The following ZNF83 variants were observed in gnomAD, a reference collection of about 807,000 sequenced individuals.
ZNF83 encodes zinc finger protein 83, also known as zinc finger protein 816B.
For missense variants in ZNF83, 552 were observed against 629.9 expected, an observed-to-expected ratio of 0.88 and a Z score of 1.32; for synonymous variants, 209 against 213.0, an observed-to-expected ratio of 0.98 and a Z score of 0.17.
chr19:52,685,759 A>G (rs1156819666), intron 1 of ZNF83, among the ~76,000 whole-genome samples: 1 of 152,028 alleles, frequency 6.6e-6, no homozygotes, highest in Non-Finnish European at 1.5e-5. Flanking sequence ...TGAGCCAGGC[A>G]TGGTGGCAGG....
At chr19:52,636,021 G>A (rs1202743650) in intron 1 of ZNF83, 5 of 150,126 alleles carry the variant, frequency 3.3e-5, no homozygotes, top group African/African-American at 7.4e-5. Flanking sequence ...TGTAGACCAC[G>A]TGCGGTGGCT....
chr19:52,655,585 T>C, exon 3 of ZNF83: 2 of 1,503,060 alleles, frequency 1.3e-6, no homozygotes, highest in Non-Finnish European at 1.9e-6. Flanking sequence ...TTCCTGTAGT[T>C]CTCCAACATC....
intron 2 of ZNF83, among the ~76,000 whole-genome samples, chr19:52,629,005 C>T (rs559961750): frequency 6.6e-6 from 1 of 151,896 alleles, no homozygotes; most frequent in East Asian, 1.9e-4. Flanking sequence ...ACTCTCTTTT[C>T]TCTGGGCTTG....
intron 2 of ZNF83, among the ~76,000 whole-genome samples, chr19:52,657,676 C>G (rs531844590): frequency 1.1e-4 from 16 of 151,046 alleles, no homozygotes; most frequent in Non-Finnish European, 3.0e-5. Context: ...AGAGAAACCC[C>G]GTCTCTACTA....
intron 1 of ZNF83, among the ~76,000 whole-genome samples, chr19:52,685,917 A>G (rs2062007691): frequency 6.6e-6 from 1 of 151,606 alleles, no homozygotes; most frequent in African/African-American, 2.4e-5. Context: ...AAAAAAAAAA[A>G]AAAAAAAAAT....
At chr19:52,614,942 G>A in intron 2 of ZNF83, 145 bp from the exon 3 acceptor site, 1 of 825,432 alleles carries the variant, frequency 1.2e-6, no homozygotes. Flanking sequence ...TTAACTTTTT[G>A]GAAAACAAAA....
intron 1 of ZNF83, among the ~76,000 whole-genome samples, chr19:52,689,032 C>T (rs181594293): frequency 1.3e-3 from 189 of 150,602 alleles, no homozygotes; most frequent in African/African-American, 4.2e-3. Flanking sequence ...TTATGTTTTA[C>T]AAATGTCTGT....
At chr19:52,655,484 A>G (rs2061493304) in intron 3 of ZNF83, 4 of 1,318,552 alleles carry the variant, frequency 3.0e-6, no homozygotes, top group Non-Finnish European at 4.3e-6. Flanking sequence ...GCAAAATCAC[A>G]AAAGAGAATA....
At position 52,676,650 on chromosome 19, in the gene ZNF83, G is replaced by C. The variant is rs904462831; in HGVS notation, c.-283+13793C>G. ...GTGCCCAACAGCTCATTGAGAACGG[G>C]CCAGGATGACAATGGCGGCTTTGTG... On this transcript the variant is annotated intron_variant, in intron 1 of 5. Transcript: ENST00000594682. 3.5e-4 allele frequency among the ~76,000 whole-genome samples: 51 copies of C among 145,760 alleles called. 1 individual carries two copies. The highest frequency in any genetic ancestry group is 1.3e-3 in the African/African-American group (50 of 39,646).
chr19:52,628,416 C>T (rs912298066), intron 2 of ZNF83, among the ~76,000 whole-genome samples: 6 of 152,160 alleles, frequency 3.9e-5, no homozygotes, highest in African/African-American at 9.7e-5. Context: ...AATCTTGGCA[C>T]CACACTTCAA....
intron 1 of ZNF83, chr19:52,636,144 AAAAG>A (rs1389168600): frequency 2.6e-5 from 4 of 151,808 alleles, no homozygotes; most frequent in Admixed American, 6.6e-5. Context: ...AAAAAAAAAA[AAAAG>A]AAAGAAAAAG....
At chr19:52,640,046 G>A (rs12460399), upstream of ZNF83, among the ~76,000 whole-genome samples, 200 of 152,282 alleles carry the variant, frequency 1.3e-3, 1 homozygote, top group Admixed American at 0.012. Context: ...TGGTAATGGA[G>A]GTGACCATCT....
intron 1 of ZNF83, among the ~76,000 whole-genome samples, chr19:52,664,409 T>A (rs978168531): frequency 6.6e-6 from 1 of 151,946 alleles, no homozygotes; most frequent in Non-Finnish European, 1.5e-5. Flanking sequence ...AGTGGGAGGA[T>A]CCGTTGAACC....
chr19:52,686,918 A>T (rs2062026187), intron 1 of ZNF83, among the ~76,000 whole-genome samples: 1 of 151,966 alleles, frequency 6.6e-6, no homozygotes, highest in African/African-American at 2.4e-5. Flanking sequence ...GCAGTGGCTC[A>T]CATCTGTAAT....
chr19:52,634,516 C>A (rs2061081220), intron 2 of ZNF83, among the ~76,000 whole-genome samples: 1 of 152,150 alleles, frequency 6.6e-6, no homozygotes, highest in Non-Finnish European at 1.5e-5. Flanking sequence ...TGGAATAAAA[C>A]ACCTTGTATC....
At chr19:52,688,002 C>A (rs2062076548) in intron 1 of ZNF83, among the ~76,000 whole-genome samples, 1 of 151,842 alleles carries the variant, frequency 6.6e-6, no homozygotes, top group African/African-American at 2.4e-5. Context: ...CCTCTGATGC[C>A]AAGATTTACA....
chr19:52,620,527 A>T (rs2060504833), intron 2 of ZNF83, among the ~76,000 whole-genome samples: 1 of 152,110 alleles, frequency 6.6e-6, no homozygotes, highest in Admixed American at 6.6e-5. Flanking sequence ...GTCACAAAGG[A>T]CCCATATGTT....
At chr19:52,629,814 A>G (rs1051702014) in intron 2 of ZNF83, among the ~76,000 whole-genome samples, 12 of 152,140 alleles carry the variant, frequency 7.9e-5, no homozygotes, top group Non-Finnish European at 1.8e-4. Context: ...TTATTACCCA[A>G]TCTGCTCCCG....
At chr19:52,668,278 G>C (rs2061680726) in intron 1 of ZNF83, among the ~76,000 whole-genome samples, 1 of 152,104 alleles carries the variant, frequency 6.6e-6, no homozygotes, top group African/African-American at 2.4e-5. Context: ...AGCAGAAAGG[G>C]AGGGACACAT....
Sources: gnomAD v4.1 joint callset for allele counts (sites outside exome capture counted in the v4.1 genomes callset) on GRCh38, gnomAD v4.1.1 for gene constraint, MANE v1.5 for transcripts, NCBI Gene and HGNC (gene_info 2026-07-23, HGNC 2026-07-21) for gene names.